ALG14: variants seen among roughly 807,000 people sequenced by gnomAD.
The protein encoded by ALG14 is UDP-N-acetylglucosamine transferase subunit ALG14.
A neutral mutation model predicts 22.8 loss-of-function variants in ALG14; 17 were observed. The observed-to-expected ratio is 0.75, with a 90% CI of 0.51 to 1.12. The LOEUF is 1.12. Ranked by LOEUF, ALG14 falls within the 50% of genes most tolerant of loss-of-function variation. ALG14 has a pLI of 0.00. For synonymous variants in ALG14, 89 were observed against 103.7 expected (o/e 0.86, Z 0.86); for missense variants, 288 against 271.8 (o/e 1.06, Z -0.42).
chr1:94,992,069 A>G (rs1672789474), intron 3 of ALG14, among the ~76,000 whole-genome samples: 1 of 152,138 alleles, frequency 6.6e-6, no homozygotes. Context: ...GACCTGCCTG[A>G]AGTTGTTTTA....
intron 3 of ALG14, among the ~76,000 whole-genome samples, chr1:95,025,253 G>T (rs1184861115): frequency 6.6e-6 from 1 of 152,202 alleles, no homozygotes; most frequent in African/African-American, 2.4e-5. Context: ...ATCAAGAGCA[G>T]TAATATTTTG....
intron 2 of ALG14, among the ~76,000 whole-genome samples, chr1:95,036,938 A>C (rs1674220383): frequency 6.6e-6 from 1 of 152,182 alleles, no homozygotes; most frequent in Non-Finnish European, 1.5e-5. Context: ...CAGCTGGCTC[A>C]AGACTGGCTT....
At chr1:94,995,598 A>G (rs955860367) in intron 3 of ALG14, among the ~76,000 whole-genome samples, 2 of 152,220 alleles carry the variant, frequency 1.3e-5, no homozygotes, top group Non-Finnish European at 2.9e-5. Context: ...CTGTAATCCC[A>G]GCTACTCAGG....
At chr1:95,033,416 T>TAC (rs1180008692) in intron 2 of ALG14, among the ~76,000 whole-genome samples, 2 of 128,832 alleles carry the variant, frequency 1.6e-5, no homozygotes, top group African/African-American at 5.9e-5. Context: ...TATATATATA[T>TAC]ATATACACAC....
intron 3 of ALG14, 148 bp from the exon 4 acceptor site, chr1:94,983,454 C>T (rs760920624): frequency 4.8e-5 from 33 of 689,602 alleles, no homozygotes; most frequent in African/African-American, 1.4e-4. Flanking sequence ...CAGCAAACAG[C>T]GCATGTTTAA....
chr1:94,997,713 T>A (rs937315793), intron 3 of ALG14, among the ~76,000 whole-genome samples: 1 of 152,240 alleles, frequency 6.6e-6, no homozygotes, highest in Non-Finnish European at 1.5e-5. Flanking sequence ...TTAAGTGAAG[T>A]AAGATCTGCA....
chr1:95,041,597 C>G (rs1446740151), intron 2 of ALG14: 2 of 133,392 alleles, frequency 1.5e-5, no homozygotes, highest in Non-Finnish European at 3.1e-5. Flanking sequence ...CCTGGGCAGA[C>G]AGTGAGACCC....
At position 94,998,915 on chromosome 1, in the gene ALG14, C is replaced by T. The variant is rs887663554; in HGVS notation, c.421-15609G>A. The stretch of plus-strand genomic sequence containing the variant: ...AAATGGTATTGTATTCAGCCCCTAT[C>T]GCATGCTTTGTACAAAGCAGGTACA... On this transcript the variant is annotated intron_variant, in intron 3 of 3. Coordinates refer to ENST00000370205, the MANE Select transcript of ALG14 (RefSeq NM_144988.4). Among the ~76,000 whole-genome samples, 10 of 152,208 alleles carry T rather than the reference C, an allele frequency of 6.6e-5. No individual in the cohort carries two copies. In the South Asian group the frequency reaches 1.0e-3, roughly 16 times the overall value.
intron 2 of ALG14, among the ~76,000 whole-genome samples, chr1:95,048,533 T>A (rs1482661763): frequency 6.6e-6 from 1 of 152,162 alleles, no homozygotes; most frequent in Non-Finnish European, 1.5e-5. Flanking sequence ...CTCATTTCCT[T>A]CCACGCCTTG....
At position 94,981,781 on chromosome 1, in the gene ALG14, T is replaced by C. The variant is rs1239641998; in HGVS notation, c.*1295A>G. The C allele has an allele frequency of 1.3e-5, 2 of 151,340 alleles. No individual in the cohort carries two copies. The highest frequency in any genetic ancestry group is 1.5e-5 in the Non-Finnish European group (1 of 67,810). 9.4% of individuals were successfully genotyped at this position (151,340 alleles called of 1,614,324 possible). A position where few individuals can be genotyped will look rare whatever the true frequency, so the allele number is the denominator to read the frequency against. On this transcript the variant is annotated 3_prime_UTR_variant, in exon 4 of 4. Transcript: ENST00000370205. ...GGAGCTCCTGGGCCAGGCACTGCAC[T>C]AACTATTGTACTTCTATTCCAGTAG...
intron 3 of ALG14, among the ~76,000 whole-genome samples, chr1:94,999,623 G>A (rs1403776974): frequency 6.6e-6 from 1 of 152,022 alleles, no homozygotes; most frequent in Non-Finnish European, 1.5e-5. Flanking sequence ...GCTCCCTCCT[G>A]AGGGACTGGT....
At chr1:94,985,560 G>A (rs2100712705) in intron 3 of ALG14, among the ~76,000 whole-genome samples, 2 of 152,318 alleles carry the variant, frequency 1.3e-5, no homozygotes, top group Middle Eastern at 3.4e-3. Context: ...AATAATGCAA[G>A]GATTGCTGGA....
At chr1:95,033,667 A>T (rs548730227) in intron 2 of ALG14, among the ~76,000 whole-genome samples, 3 of 152,002 alleles carry the variant, frequency 2.0e-5, no homozygotes, top group Non-Finnish European at 4.4e-5. Context: ...GTTGCCAGGG[A>T]CCGAAAGGAG....
At chr1:95,015,998 A>G (rs549965653) in intron 3 of ALG14, among the ~76,000 whole-genome samples, 2 of 152,364 alleles carry the variant, frequency 1.3e-5, no homozygotes, top group African/African-American at 2.4e-5. Flanking sequence ...CTTCTTATGC[A>G]TGAATGTTCA....
intron 3 of ALG14, among the ~76,000 whole-genome samples, chr1:94,999,048 T>G (rs1672983121): frequency 6.6e-6 from 1 of 152,116 alleles, no homozygotes; most frequent in South Asian, 2.1e-4. Flanking sequence ...AAACACAGGT[T>G]TTATATAATA....
rs1220573215 is a variant in ALG14, at chr1:94,978,115, G to A, written c.*4961C>T. The stretch of plus-strand genomic sequence containing the variant: ...GTCTCGCTCTGTCCCCCAGGCTGGA[G>A]TGCAGTGGTGCCATCTCAGTTCACT... On this transcript the variant is annotated 3_prime_UTR_variant, in exon 4 of 4. Transcript: ENST00000370205. The A allele has an allele frequency of 6.6e-6, 1 of 150,958 alleles. No homozygotes were observed. Among genetic ancestry groups the A allele is most frequent in the Non-Finnish European group, 1.5e-5 (1 of 67,884 alleles). The allele number at this position is 150,958 out of a possible 1,614,324, so 9.4% of individuals were successfully genotyped here.
rs368855559 is a variant in ALG14, at chr1:94,982,699, C to CAAAAAAAAAAAAAAAAAA, written c.*359_*376dup. 3.8e-5 allele frequency: 3 copies of CAAAAAAAAAAAAAAAAAA among 79,474 alleles called. No homozygotes were observed. The highest frequency in any genetic ancestry group is 0.013 in the Middle Eastern group (1 of 80). 4.9% of individuals were successfully genotyped at this position (79,474 alleles called of 1,614,324 possible). Reference sequence around the variant, plus strand: ...TTCTTTTACAATGCAGAATACTTTACAAAAAAAAAAAAAAAAAAAAAAAGC... The same window carrying CAAAAAAAAAAAAAAAAAA: ...TTCTTTTACAATGCAGAATACTTTACAAAAAAAAAAAAAAAAAAAAAAAAAAAAAAAAAAAAAAAAAGC... On this transcript the variant is annotated 3_prime_UTR_variant, in exon 4 of 4. Transcript: ENST00000370205.
rs553412413 is a variant in ALG14, at chr1:94,981,539, G to A, written c.*1537C>T. On this transcript the variant is annotated 3_prime_UTR_variant, in exon 4 of 4. Transcript: ENST00000370205. ...ATCTTACATGATCGTGGATAATCAT[G>A]TCTCTTTTCACAAAAATTCAATCAC... The A allele has an allele frequency of 4.7e-5, 7 of 148,948 alleles. No individual in the cohort carries two copies. Among genetic ancestry groups the A allele is most frequent in the Admixed American group, 4.0e-4 (6 of 14,948 alleles). 9.2% of individuals were successfully genotyped at this position (148,948 alleles called of 1,614,324 possible).
chr1:95,061,674 T>C (rs1675158223), intron 2 of ALG14: 1 of 152,252 alleles, frequency 6.6e-6, no homozygotes, highest in Non-Finnish European at 1.5e-5. Context: ...CTGTACATTA[T>C]CTTCATTCTT....
Sources: gnomAD v4.1 joint callset for allele counts (sites outside exome capture counted in the v4.1 genomes callset) on GRCh38, gnomAD v4.1.1 for gene constraint, MANE v1.5 for transcripts, NCBI Gene and HGNC (gene_info 2026-07-23, HGNC 2026-07-21) for gene names.